IL12RB2: variants seen among roughly 807,000 people sequenced by gnomAD.
IL12RB2 encodes the protein interleukin 12 receptor subunit beta 2.
A neutral mutation model predicts 89.4 loss-of-function variants in IL12RB2; 82 were observed. The observed-to-expected ratio is 0.92, with a 90% CI of 0.77 to 1.10. The LOEUF (loss-of-function observed/expected upper bound fraction) is 1.10, where lower values mean the gene tolerates loss of function less well. IL12RB2 is among the 50% of genes least tolerant of loss of function. IL12RB2 has a pLI of 0.00. For synonymous variants in IL12RB2, 368 were observed against 370.1 expected (o/e 0.99, Z 0.07); for missense variants, 963 against 1,031.9 (o/e 0.93, Z 0.92).
intron 10 of IL12RB2, among the ~76,000 whole-genome samples, chr1:67,360,936 T>A (rs568948057): frequency 3.3e-5 from 5 of 152,256 alleles, no homozygotes; most frequent in South Asian, 4.1e-4. Flanking sequence ...AATTCCATCC[T>A]AGTCTGGCCT....
At chr1:67,375,638 G>C (rs766900934) in intron 13 of IL12RB2, among the ~76,000 whole-genome samples, 33 of 152,082 alleles carry the variant, frequency 2.2e-4, no homozygotes, top group Non-Finnish European at 2.1e-4. Flanking sequence ...GCAGTATTAA[G>C]GGCATATGTG....
At chr1:67,346,633 A>C (rs1660270592) in intron 9 of IL12RB2, among the ~76,000 whole-genome samples, 1 of 152,044 alleles carries the variant, frequency 6.6e-6, no homozygotes, top group Non-Finnish European at 1.5e-5. Flanking sequence ...TGATTTGCCC[A>C]CCTCAGCCTC....
chr1:67,397,077 G>T lies in IL12RB2; in HGVS notation c.*988G>T, dbSNP rs955592226. On this transcript the variant is annotated 3_prime_UTR_variant, in exon 17 of 17. Coordinates refer to ENST00000674203, the MANE Select transcript of IL12RB2 (RefSeq NM_001374259.2). Reference sequence around the variant, plus strand: ...GACATGAACCTGGGAGGTGGGGCTTGCAGTGAGCCACTGCACTCCAGCCTG... The same window carrying T: ...GACATGAACCTGGGAGGTGGGGCTTTCAGTGAGCCACTGCACTCCAGCCTG... Among the ~76,000 whole-genome samples the T allele has an allele frequency of 7.3e-5, 11 of 151,506 alleles. No individual in the cohort carries two copies. Among genetic ancestry groups the T allele is most frequent in the Admixed American group, 5.9e-4 (9 of 15,210 alleles).
In IL12RB2 at chr1:67,374,463, T is replaced by C. The variant is rs529441175; in HGVS notation, c.1717+1680T>C. Among the ~76,000 whole-genome samples the C allele has an allele frequency of 3.3e-5, 5 of 151,998 alleles. No individual in the cohort carries two copies. In the South Asian group the frequency reaches 1.0e-3, roughly 32 times the overall value. On this transcript the variant is annotated intron_variant, in intron 13 of 16. Coordinates refer to ENST00000674203, the MANE Select transcript of IL12RB2 (RefSeq NM_001374259.2). The stretch of plus-strand genomic sequence containing the variant: ...ATTGAGATACCTGTTTGCAACCACA[T>C]GGTCTGTTTATTCTTTTTTTTTTTT...
intron 9 of IL12RB2, among the ~76,000 whole-genome samples, chr1:67,347,902 T>G (rs1660411231): frequency 6.6e-6 from 1 of 152,162 alleles, no homozygotes; most frequent in African/African-American, 2.4e-5. Flanking sequence ...CACATTACTT[T>G]TCTGTGGGGA....
chr1:67,334,894 C>G lies in IL12RB2; in HGVS notation c.959-3730C>G, dbSNP rs778871821. On this transcript the variant is annotated intron_variant, in intron 8 of 16. Transcript: ENST00000674203. ...GGGCCGTAGTTTGCTGACCCCTAAGCTAGCTATACTCGAAAGCATCATATT... is the reference window on the plus strand; with the variant it reads ...GGGCCGTAGTTTGCTGACCCCTAAGGTAGCTATACTCGAAAGCATCATATT... 6.0e-4 allele frequency among the ~76,000 whole-genome samples: 92 copies of G among 152,332 alleles called. 1 individual carries two copies. Among genetic ancestry groups the G allele is most frequent in the Middle Eastern group, 3.4e-3 (1 of 294 alleles).
At chr1:67,346,525 T>C (rs1660260788) in intron 9 of IL12RB2, among the ~76,000 whole-genome samples, 1 of 151,996 alleles carries the variant, frequency 6.6e-6, no homozygotes, top group Admixed American at 6.6e-5. Flanking sequence ...TAGCTGTGAT[T>C]ACAGGCATGC....
At chr1:67,353,297 C>T (rs76118114) in intron 10 of IL12RB2, among the ~76,000 whole-genome samples, 7,010 of 152,206 alleles carry the variant, frequency 0.046, 225 homozygotes, top group Admixed American at 0.07. Context: ...ACAACTAGCG[C>T]GTGTCTCACA....
At chr1:67,357,743 G>A (rs1390300691) in intron 10 of IL12RB2, among the ~76,000 whole-genome samples, 1 of 152,182 alleles carries the variant, frequency 6.6e-6, no homozygotes, top group African/African-American at 2.4e-5. Flanking sequence ...TATTGAAACA[G>A]CTAACTCAGC....
intron 7 of IL12RB2, 74 bp downstream of exon 7, chr1:67,329,803 T>C (rs779603836): frequency 2.9e-6 from 3 of 1,027,104 alleles, no homozygotes; most frequent in Non-Finnish European, 4.6e-6. Flanking sequence ...TGTCTTTTCA[T>C]ACAGCAAAAA....
At chr1:67,307,813 A>AGAGGCGGGAGGCG (rs1341474487), upstream of IL12RB2, 14 of 152,144 alleles carry the variant, frequency 9.2e-5, no homozygotes, top group Admixed American at 4.6e-4. Context: ...TTGGTGGCGC[A>AGAGGCGGGAGGCG]GAGGCGGGAG....
At position 67,321,697 on chromosome 1, in the gene IL12RB2, G is replaced by C; in HGVS notation, c.172G>C (p.Gly58Arg). 1 of 1,609,914 alleles carries C rather than the reference G, an allele frequency of 6.2e-7. No homozygotes were observed. Among genetic ancestry groups the C allele is most frequent in the South Asian group, 1.1e-5 (1 of 91,004 alleles). The change falls in exon 4 of 17, where the codon GGC becomes CGC. Residue 58 changes from glycine to arginine, a missense_variant. Coordinates refer to ENST00000674203, the MANE Select transcript of IL12RB2 (RefSeq NM_001374259.2). ...NITCSLKPRQ[G>R]CFHYSRRNKL... ...TACATGCTCTTTGAAGCCCAGACAA[G>C]GCTGCTTTCACTATTCCAGACGTAA...
chr1:67,369,514 G>A (rs1056123244), intron 11 of IL12RB2, among the ~76,000 whole-genome samples: 2 of 152,168 alleles, frequency 1.3e-5, no homozygotes, highest in African/African-American at 4.8e-5. Context: ...TAGAGTTTTT[G>A]CAGTAGAACC....
At chr1:67,353,267 G>A (rs1179947655) in intron 10 of IL12RB2, among the ~76,000 whole-genome samples, 2 of 152,112 alleles carry the variant, frequency 1.3e-5, no homozygotes, top group Admixed American at 6.6e-5. Context: ...ATGAGGTGAT[G>A]CCATCTTAAA....
intron 11 of IL12RB2, among the ~76,000 whole-genome samples, chr1:67,369,343 A>C (rs1663040852): frequency 6.6e-6 from 1 of 152,210 alleles, no homozygotes; most frequent in Non-Finnish European, 1.5e-5. Context: ...CACATAAAAG[A>C]GTATGTTTTC....
At chr1:67,323,807 G>T (rs777444135) in intron 4 of IL12RB2, among the ~76,000 whole-genome samples, 1 of 152,140 alleles carries the variant, frequency 6.6e-6, no homozygotes, top group African/African-American at 2.4e-5. Flanking sequence ...AGGAAAAACA[G>T]AAGGAACTTA....
At position 67,330,748 on chromosome 1, in the gene IL12RB2, A is replaced by G; in HGVS notation, c.896A>G (p.His299Arg). 2 of 1,552,658 alleles carry G rather than the reference A, an allele frequency of 1.3e-6. No individual in the cohort carries two copies. The highest frequency in any genetic ancestry group is 1.8e-6 in the Non-Finnish European group (2 of 1,124,182). Residue 299 changes from histidine to arginine, a missense_variant, in exon 8 of 17, where the codon CAT (histidine) becomes CGT (arginine). Transcript: ENST00000674203. Reference sequence around the variant, plus strand: ...GAATTTCAGATTTCCTCTAAGCTACATCTTTATAAGGGAAGTTGGAGTGAT... The same window carrying G: ...GAATTTCAGATTTCCTCTAAGCTACGTCTTTATAAGGGAAGTTGGAGTGAT... The part of the protein sequence containing the change: ...EYEFQISSKL[H>R]LYKGSWSDWS...
upstream of IL12RB2, chr1:67,307,720 C>G (rs376837149): frequency 4.6e-5 from 7 of 152,254 alleles, no homozygotes; most frequent in Admixed American, 3.9e-4. Context: ...CGAGTCCTCT[C>G]CGCCCTGCGG....
At chr1:67,348,302 AGAAGG>A (rs1660454631) in intron 9 of IL12RB2, among the ~76,000 whole-genome samples, 1 of 152,180 alleles carries the variant, frequency 6.6e-6, no homozygotes, top group African/African-American at 2.4e-5. Flanking sequence ...ATTTTGGGCT[AGAAGG>A]GTGACTGAGG....
Sources: allele counts gnomAD v4.1 joint callset (sites outside exome capture counted in the v4.1 genomes callset), GRCh38; gene constraint gnomAD v4.1.1; transcripts MANE v1.5; gene names NCBI Gene and HGNC (gene_info 2026-07-23, HGNC 2026-07-21).